The following CHCHD3 variants were observed in gnomAD, a reference collection of about 807,000 sequenced individuals.
The protein encoded by CHCHD3 is MICOS complex subunit MIC19.
CHCHD3 carries 20 observed loss-of-function variants against 38.2 expected under a neutral mutation model. The observed-to-expected ratio is 0.52, with a 90% CI of 0.37 to 0.76. CHCHD3 has a LOEUF of 0.76. CHCHD3 is among the 30% of genes least tolerant of loss of function. The probability of loss-of-function intolerance (pLI) is 0.00; values close to 1 mark genes in which losing one functional copy is unlikely to be tolerated. For missense variants in CHCHD3, 245 were observed against 279.2 expected (o/e 0.88, Z 0.87); for synonymous variants, 82 against 100.0 (o/e 0.82, Z 1.07).
intron 4 of CHCHD3, among the ~76,000 whole-genome samples, chr7:132,893,175 C>T (rs918030903): frequency 1.4e-4 from 21 of 152,282 alleles, no homozygotes; most frequent in Admixed American, 2.6e-4. Context: ...AACACAGGGG[C>T]GAAGCTATCT....
intron 5 of CHCHD3, among the ~76,000 whole-genome samples, chr7:132,867,599 TAAAG>T (rs896933184): frequency 5.3e-5 from 8 of 152,114 alleles, no homozygotes; most frequent in African/African-American, 1.7e-4. Flanking sequence ...CGTCCACAGA[TAAAG>T]AAAGTTACTA....
intron 2 of CHCHD3, among the ~76,000 whole-genome samples, chr7:133,029,001 G>C (rs1235742568): frequency 6.6e-6 from 1 of 152,056 alleles, no homozygotes; most frequent in Non-Finnish European, 1.5e-5. Flanking sequence ...GTCCCCACCA[G>C]TAAGAAGACC....
At chr7:132,829,146 G>T (rs1173698614) in intron 6 of CHCHD3, among the ~76,000 whole-genome samples, 1 of 152,144 alleles carries the variant, frequency 6.6e-6, no homozygotes, top group Non-Finnish European at 1.5e-5. Context: ...GTTGGAATTG[G>T]CAAGAGGACA....
chr7:132,936,662 G>C (rs1465068411), intron 4 of CHCHD3, among the ~76,000 whole-genome samples: 1 of 152,158 alleles, frequency 6.6e-6, no homozygotes, highest in African/African-American at 2.4e-5. Flanking sequence ...TTATTAATTA[G>C]AAACTCTGGA....
chr7:132,982,595 T>C (rs981755662), intron 3 of CHCHD3, among the ~76,000 whole-genome samples: 1 of 152,232 alleles, frequency 6.6e-6, no homozygotes, highest in Non-Finnish European at 1.5e-5. Context: ...TAAATTCATA[T>C]ATAATATCTG....
At chr7:133,006,495 A>AT (rs201039800) in intron 3 of CHCHD3, among the ~76,000 whole-genome samples, 8,415 of 54,752 alleles carry the variant, frequency 0.15, 307 homozygotes, top group Middle Eastern at 0.26. Context: ...AAATAAATAA[A>AT]AAAATAAATA....
At chr7:133,025,871 G>A (rs1001298876) in intron 2 of CHCHD3, among the ~76,000 whole-genome samples, 5 of 152,138 alleles carry the variant, frequency 3.3e-5, no homozygotes, top group Admixed American at 6.5e-5. Context: ...TGTCTCTTTC[G>A]ATAACCTCGA....
chr7:132,935,973 G>A (rs562078905), intron 4 of CHCHD3, among the ~76,000 whole-genome samples: 1 of 152,152 alleles, frequency 6.6e-6, no homozygotes, highest in East Asian at 1.9e-4. Context: ...CTTTCATCAG[G>A]AGACCATTGC....
At chr7:133,004,375 C>T (rs1812647723) in intron 3 of CHCHD3, among the ~76,000 whole-genome samples, 1 of 152,188 alleles carries the variant, frequency 6.6e-6, no homozygotes, top group African/African-American at 2.4e-5. Context: ...TAAGGAGGAG[C>T]ATACCAGAGT....
intron 4 of CHCHD3, among the ~76,000 whole-genome samples, chr7:132,902,314 C>G (rs1196376079): frequency 6.6e-6 from 1 of 152,172 alleles, no homozygotes; most frequent in African/African-American, 2.4e-5. Context: ...CATCCCATTA[C>G]TGGGTATATA....
chr7:132,925,499 T>C (rs1240668828), intron 4 of CHCHD3, among the ~76,000 whole-genome samples: 1 of 152,242 alleles, frequency 6.6e-6, no homozygotes, highest in Non-Finnish European at 1.5e-5. Context: ...TGCACTTAAT[T>C]AAATGCTTTA....
At chr7:132,926,771 A>T (rs1463181047) in intron 4 of CHCHD3, among the ~76,000 whole-genome samples, 1 of 152,150 alleles carries the variant, frequency 6.6e-6, no homozygotes, top group Non-Finnish European at 1.5e-5. Context: ...TATCTAACAC[A>T]ATGTAAATGC....
chr7:132,869,480 A>T (rs1808713386), intron 5 of CHCHD3, among the ~76,000 whole-genome samples: 1 of 152,230 alleles, frequency 6.6e-6, no homozygotes, highest in African/African-American at 2.4e-5. Context: ...AGATGACAGA[A>T]AGACCTAAGC....
At chr7:132,901,269 TA>T (rs767684437) in intron 4 of CHCHD3, among the ~76,000 whole-genome samples, 13 of 152,160 alleles carry the variant, frequency 8.5e-5, no homozygotes, top group Non-Finnish European at 1.6e-4. Context: ...ACCTGAGGCC[TA>T]AACATGGTAA....
Position 132,894,544 on chromosome 7 carries a change from G to A in CHCHD3, c.370-8799C>T, listed in dbSNP as rs143947943. 1.6e-3 allele frequency among the ~76,000 whole-genome samples: 244 copies of A among 152,208 alleles called. 1 individual carries two copies. Among genetic ancestry groups the A allele is most frequent in the Non-Finnish European group, 2.9e-3 (198 of 68,024 alleles). On this transcript the variant is annotated intron_variant, in intron 4 of 7. Transcript: ENST00000262570. ...TGGCACTTGTTTTTGCTTTTACCTT[G>A]TATGATACATGCTTACTTACCCACT...
intron 4 of CHCHD3, among the ~76,000 whole-genome samples, chr7:132,940,138 G>C (rs2117269115): frequency 6.6e-6 from 1 of 152,274 alleles, no homozygotes; most frequent in Admixed American, 6.5e-5. Flanking sequence ...ATAAAGACTA[G>C]ATTAGTCACA....
At position 132,955,404 on chromosome 7, in the gene CHCHD3, GT is replaced by G. The variant is rs947058905; in HGVS notation, c.369+19764del. Among the ~76,000 whole-genome samples the G allele has an allele frequency of 5.1e-4, 78 of 152,002 alleles. 1 individual carries two copies. Among genetic ancestry groups the G allele is most frequent in the African/African-American group, 1.7e-3 (70 of 41,392 alleles). On this transcript the variant is annotated intron_variant, in intron 4 of 7. Coordinates refer to ENST00000262570, the MANE Select transcript of CHCHD3 (RefSeq NM_017812.4). ...AATGCAGGGCAAAAAGTACTTGTTA[GT>G]TTTTTTCATCTAGAAAGTGGAGGCA...
intron 3 of CHCHD3, among the ~76,000 whole-genome samples, chr7:132,989,689 T>C (rs1386249202): frequency 1.3e-5 from 2 of 152,200 alleles, no homozygotes; most frequent in Non-Finnish European, 2.9e-5. Context: ...TTAATGTTCC[T>C]ATATCCATGG....
At chr7:132,972,988 G>A (rs1811649330) in intron 4 of CHCHD3, 1 of 985,210 alleles carries the variant, frequency 1.0e-6, no homozygotes. Context: ...AAAACATGTT[G>A]CTTAATATTT....
Sources: gnomAD v4.1 joint callset for allele counts (sites outside exome capture counted in the v4.1 genomes callset) on GRCh38, gnomAD v4.1.1 for gene constraint, MANE v1.5 for transcripts, NCBI Gene and HGNC (gene_info 2026-07-23, HGNC 2026-07-21) for gene names.